Variants in DYNC1H1 observed in about 807,000 individuals in gnomAD.
DYNC1H1 encodes the protein cytoplasmic dynein 1 heavy chain 1.
In DYNC1H1, 51 loss-of-function variants were observed where a neutral mutation model predicts 527.1. The ratio of observed to expected loss-of-function variants is 0.10; its 90% CI spans 0.08 to 0.12. The LOEUF is 0.12. Ranked by LOEUF, DYNC1H1 falls within the 10% of genes least tolerant of loss-of-function variation. The pLI, the probability that DYNC1H1 is intolerant of heterozygous loss-of-function variation, is 1.00. For missense variants in DYNC1H1, 2,771 were observed against 5,971.8 expected (o/e 0.46, Z 17.66); for synonymous variants, 2,189 against 2,278.8 (o/e 0.96, Z 1.12).
intron 23 of DYNC1H1, among the ~76,000 whole-genome samples, chr14:102,004,100 C>T (rs916319110): frequency 5.9e-5 from 9 of 151,786 alleles, no homozygotes; most frequent in Middle Eastern, 3.4e-3. Context: ...AAAAATTAGC[C>T]GGGCGTGGTG....
intron 64 of DYNC1H1, 55 bp downstream of exon 64, chr14:102,040,728 G>A (rs17541540): frequency 6.3e-7 from 1 of 1,598,834 alleles, no homozygotes; most frequent in South Asian, 1.1e-5. Context: ...GGGTTTTGCT[G>A]CTTAAAGGGA....
rs996089892 is a variant in DYNC1H1 at position 101,985,043 on chromosome 14, G to T, written c.1462-644G>T. 2.0e-5 allele frequency among the ~76,000 whole-genome samples: 3 copies of T among 150,660 alleles called. No individual in the cohort carries two copies. Among genetic ancestry groups the T allele is most frequent in the Non-Finnish European group, 2.9e-5 (2 of 67,870 alleles). On this transcript the variant is annotated intron_variant, in intron 7 of 77. Coordinates refer to ENST00000360184, the MANE Select transcript of DYNC1H1 (RefSeq NM_001376.5). The surrounding 1 kb of genome is among the most constrained non-coding windows in gnomAD (Gnocchi z 5.9). Reference sequence around the variant, plus strand: ...GATCCACCCGCCCCGGCCTCCCGAAGTGCTGGGATTACCATGCCCAGCCCA... The same window carrying T: ...GATCCACCCGCCCCGGCCTCCCGAATTGCTGGGATTACCATGCCCAGCCCA...
At chr14:101,980,311 A>G (rs2047848711) in intron 4 of DYNC1H1, 53 bp from the exon 5 acceptor site, 2 of 1,599,186 alleles carry the variant, frequency 1.3e-6, no homozygotes, top group Admixed American at 3.3e-5. Flanking sequence ...AACGATATCT[A>G]TTCTACCTTG....
chr14:102,035,324 TA>T, intron 56 of DYNC1H1: 1 of 152,172 alleles, frequency 6.6e-6, no homozygotes. Flanking sequence ...AATAGCTAGT[TA>T]AAGGGGAAGT....
chr14:102,030,494 A>G, intron 51 of DYNC1H1: 1 of 631,366 alleles, frequency 1.6e-6, no homozygotes, highest in Non-Finnish European at 2.6e-6. Context: ...GATTGTATTT[A>G]CCATAGTGAA....
intron 56 of DYNC1H1, chr14:102,035,300 T>C (rs1311606015): frequency 6.6e-6 from 1 of 152,198 alleles, no homozygotes; most frequent in Non-Finnish European, 1.5e-5. Flanking sequence ...CAGTCCTCTG[T>C]TACAAGAACT....
In DYNC1H1 at chr14:102,007,117, CTT is replaced by C. The variant is rs2048205289; in HGVS notation, c.5817+11_5817+12del. 6.2e-7 allele frequency: 1 copy of C among 1,613,692 alleles called. No homozygotes were observed. The highest frequency in any genetic ancestry group is 1.3e-5 in the African/African-American group (1 of 75,012). ...AAACCTTTGATTTCCAGGTGAGACA[CTT>C]TATGGGATCCACCTAAAATGTAATG... On this transcript the variant is annotated intron_variant, in intron 28 of 77. Transcript: ENST00000360184.
chr14:102,048,676 G>T lies in DYNC1H1; in HGVS notation c.13372+7G>T. The T allele has an allele frequency of 6.2e-7, 1 of 1,612,574 alleles. No individual in the cohort carries two copies. The highest frequency in any genetic ancestry group is 1.1e-5 in the South Asian group (1 of 91,004). On this transcript the variant is annotated splice_region_variant and intron_variant, in intron 74 of 77. Transcript: ENST00000360184. Reference sequence around the variant, plus strand: ...ATCAACGAGCTAGTGAAAGGTGCGTGAGAGGCCGAACTCGTGGTGTGGCTT... The same window carrying T: ...ATCAACGAGCTAGTGAAAGGTGCGTTAGAGGCCGAACTCGTGGTGTGGCTT...
chr14:101,969,021 T>C (rs1429360093), intron 1 of DYNC1H1, among the ~76,000 whole-genome samples: 1 of 151,860 alleles, frequency 6.6e-6, no homozygotes, highest in East Asian at 1.9e-4. Flanking sequence ...TTTCTTTCTT[T>C]TTTTCTTTTT....
intron 4 of DYNC1H1, 122 bp downstream of exon 4, chr14:101,980,096 G>T (rs1187435596): frequency 6.8e-7 from 1 of 1,469,044 alleles, no homozygotes; most frequent in Non-Finnish European, 9.3e-7. Context: ...GCCGCCTCTT[G>T]GTCCTGGGAC....
rs778679584 is a variant in DYNC1H1 at position 101,994,863 on chromosome 14, T to C, written c.3333+14T>C. The C allele has an allele frequency of 1.2e-6, 2 of 1,614,190 alleles. No individual in the cohort carries two copies. The highest frequency in any genetic ancestry group is 2.2e-5 in the South Asian group (2 of 91,086). ...GATTATGGCAAGGTGAGCCCTGCTG[T>C]CTGGTTGAAAGGTGTCACGGGTAGT... is the stretch of plus-strand genomic sequence containing the variant. On this transcript the variant is annotated intron_variant, in intron 13 of 77. Coordinates refer to ENST00000360184, the MANE Select transcript of DYNC1H1 (RefSeq NM_001376.5).
chr14:102,042,215 T>C lies in DYNC1H1; in HGVS notation c.12215-13T>C. 1 of 1,613,964 alleles carries C rather than the reference T, an allele frequency of 6.2e-7. No individual in the cohort carries two copies. The highest frequency in any genetic ancestry group is 8.5e-7 in the Non-Finnish European group (1 of 1,180,010). ...GAGGCTGCCGCTGCTAACACTAAGT[T>C]TCCCTGCACCAGGCTCTGCAGAAGG... On this transcript the variant is annotated splice_polypyrimidine_tract_variant and intron_variant, in intron 66 of 77. Coordinates refer to ENST00000360184, the MANE Select transcript of DYNC1H1 (RefSeq NM_001376.5). This position sits in a 1 kb window ranked among gnomAD's most constrained non-coding sequence, Gnocchi z 5.7.
intron 12 of DYNC1H1, 129 bp from the exon 13 acceptor site, chr14:101,994,544 C>T: frequency 7.2e-7 from 1 of 1,380,004 alleles, no homozygotes; most frequent in Non-Finnish European, 9.9e-7. Context: ...TTCTGAGAGT[C>T]TGAAGTGAGA....
At chr14:101,974,835 G>A (rs974021392) in intron 1 of DYNC1H1, among the ~76,000 whole-genome samples, 5 of 152,118 alleles carry the variant, frequency 3.3e-5, no homozygotes, top group Non-Finnish European at 2.9e-5. Flanking sequence ...CCCGGCCTCC[G>A]TAAGCTTTTG....
intron 43 of DYNC1H1, chr14:102,023,250 C>T (rs1041529399): frequency 2.8e-6 from 1 of 352,424 alleles, no homozygotes; most frequent in East Asian, 7.4e-5. Context: ...TCAAAAAATA[C>T]TTCAGAAAAC....
intron 51 of DYNC1H1, among the ~76,000 whole-genome samples, chr14:102,031,912 C>T (rs1360035566): frequency 1.3e-5 from 2 of 152,192 alleles, no homozygotes; most frequent in Non-Finnish European, 2.9e-5. Context: ...TGAGATCGCA[C>T]CACTGCACTC....
chr14:102,000,842 G>T, intron 18 of DYNC1H1, 112 bp from the exon 19 acceptor site: 1 of 956,552 alleles, frequency 1.0e-6, no homozygotes, highest in African/African-American at 1.6e-5. Flanking sequence ...CAAAGTGCTG[G>T]GATTACAGGC....
intron 34 of DYNC1H1, among the ~76,000 whole-genome samples, chr14:102,013,722 A>G (rs1265694227): frequency 6.6e-6 from 1 of 152,178 alleles, no homozygotes; most frequent in Admixed American, 6.5e-5. Flanking sequence ...ATGTATGTCC[A>G]TGAAGATCCG....
intron 11 of DYNC1H1, among the ~76,000 whole-genome samples, chr14:101,993,181 TG>T (rs2048017766): frequency 1.3e-5 from 2 of 152,130 alleles, no homozygotes; most frequent in African/African-American, 4.8e-5. Flanking sequence ...CCAAAAATCA[TG>T]GTATTGTCCT....
Sources: allele counts gnomAD v4.1 joint callset (sites outside exome capture counted in the v4.1 genomes callset), GRCh38; gene constraint gnomAD v4.1.1; non-coding constraint Gnocchi (gnomAD v3.1); transcripts MANE v1.5; gene names NCBI Gene and HGNC (gene_info 2026-07-23, HGNC 2026-07-21).